RALYL: variants seen among roughly 807,000 people sequenced by gnomAD.
RALYL encodes RALY RNA binding protein like.
A neutral mutation model predicts 35.1 loss-of-function variants in RALYL; 29 were observed. The ratio of observed to expected loss-of-function variants is 0.83; its 90% CI spans 0.61 to 1.13. RALYL has a LOEUF of 1.13. RALYL is among the 50% of genes most tolerant of loss of function. RALYL has a pLI of 0.00. For synonymous variants in RALYL, 120 were observed against 127.6 expected, an observed-to-expected ratio of 0.94 and a Z score of 0.40; for missense variants, 359 against 360.4, an observed-to-expected ratio of 1.00 and a Z score of 0.03.
chr8:84,678,852 G>C (rs559800074), intron 2 of RALYL: 1 of 176,328 alleles, frequency 5.7e-6, no homozygotes, highest in Admixed American at 6.0e-5. Flanking sequence ...TGAGAAGGAT[G>C]ACAAACACTT....
At chr8:84,840,119 A>T (rs1282383082) in intron 4 of RALYL, among the ~76,000 whole-genome samples, 1 of 152,244 alleles carries the variant, frequency 6.6e-6, no homozygotes, top group Non-Finnish European at 1.5e-5. Context: ...CTGGACAGGG[A>T]ATGACTTTGA....
At chr8:84,233,841 T>C (rs891543660) in intron 1 of RALYL, among the ~76,000 whole-genome samples, 16 of 152,196 alleles carry the variant, frequency 1.1e-4, no homozygotes, top group Admixed American at 2.0e-4. Flanking sequence ...ACTTAAATTC[T>C]TGAGAATAGC....
chr8:84,469,126 A>G (rs2052265604), intron 1 of RALYL, among the ~76,000 whole-genome samples: 1 of 152,102 alleles, frequency 6.6e-6, no homozygotes, highest in Admixed American at 6.5e-5. Flanking sequence ...TGATCGTCTG[A>G]AGCCTTCTTC....
At position 84,810,046 on chromosome 8, in the gene RALYL, G is replaced by T. The variant is rs181410825; in HGVS notation, c.365+5244G>T. On this transcript the variant is annotated intron_variant, in intron 4 of 8. Coordinates refer to ENST00000521268, the MANE Select transcript of RALYL (RefSeq NM_173848.7). ...CTGGGTTTGGTTTTGGTTTGTTCTT[G>T]TTTCTCTAGTTCCTTGAGATGTGAC... Among the ~76,000 whole-genome samples the T allele has an allele frequency of 3.2e-3, 480 of 151,980 alleles. 6 individuals carry two copies. The highest frequency in any genetic ancestry group is 0.011 in the African/African-American group (463 of 41,460).
Position 84,488,232 on chromosome 8 carries a change from G to T in RALYL, c.-23-41067G>T, listed in dbSNP as rs561496161. ...ATAAGTTGTATGAGCAGCTTCACCAGTTCAGTGATACAAATACGGTTGAAT... is the reference window on the plus strand; with the variant it reads ...ATAAGTTGTATGAGCAGCTTCACCATTTCAGTGATACAAATACGGTTGAAT... On this transcript the variant is annotated intron_variant, in intron 1 of 8. Transcript: ENST00000521268. Among the ~76,000 whole-genome samples the T allele has an allele frequency of 3.9e-5, 6 of 152,164 alleles. No homozygotes were observed. In the South Asian group the frequency reaches 1.2e-3, roughly 32 times the overall value.
intron 7 of RALYL, among the ~76,000 whole-genome samples, chr8:84,876,577 A>T (rs1841190829): frequency 6.6e-6 from 1 of 152,112 alleles, no homozygotes; most frequent in South Asian, 2.1e-4. Context: ...AAGTAAAAAG[A>T]CTGGATAGCA....
At chr8:84,665,537 G>A (rs973185599) in intron 2 of RALYL, among the ~76,000 whole-genome samples, 1 of 152,036 alleles carries the variant, frequency 6.6e-6, no homozygotes. Context: ...AGTCTTGGGA[G>A]GGTGTATGTG....
chr8:84,914,315 T>C (rs565044488), intron 8 of RALYL, among the ~76,000 whole-genome samples: 30 of 152,082 alleles, frequency 2.0e-4, no homozygotes, highest in Admixed American at 1.2e-3. Context: ...ATTTCTAGCA[T>C]TGGGAGTAAA....
At chr8:84,654,307 A>T (rs1362045103) in intron 2 of RALYL, among the ~76,000 whole-genome samples, 2 of 136,166 alleles carry the variant, frequency 1.5e-5, no homozygotes, top group Non-Finnish European at 3.2e-5. Context: ...ATATATATAT[A>T]TATATATCAT....
intron 1 of RALYL, chr8:84,184,928 T>A: frequency 1.3e-6 from 2 of 1,596,822 alleles, no homozygotes; most frequent in East Asian, 4.5e-5. Context: ...GAGCCGGAGC[T>A]GGAGACATTT....
chr8:84,468,414 G>T lies in RALYL; in HGVS notation c.-23-60885G>T, dbSNP rs1370259889. 3.3e-5 allele frequency among the ~76,000 whole-genome samples: 5 copies of T among 151,014 alleles called. No individual in the cohort carries two copies. The East Asian group carries it at 5.9e-4, about 18-fold the overall frequency. On this transcript the variant is annotated intron_variant, in intron 1 of 8. Coordinates refer to ENST00000521268, the MANE Select transcript of RALYL (RefSeq NM_173848.7). ...TCCTTCACTTATGAAGCTTAGTTTG[G>T]CTGGATATGAAATTCTGGGTTCAAA...
chr8:84,445,484 C>G (rs1034662224), intron 1 of RALYL, among the ~76,000 whole-genome samples: 1 of 151,752 alleles, frequency 6.6e-6, no homozygotes, highest in Non-Finnish European at 1.5e-5. Context: ...TACTTTTAAA[C>G]TTTAGTATTA....
intron 2 of RALYL, among the ~76,000 whole-genome samples, chr8:84,713,585 A>G (rs1842521033): frequency 6.6e-6 from 1 of 152,020 alleles, no homozygotes; most frequent in Non-Finnish European, 1.5e-5. Context: ...AGTGACAACA[A>G]GTGTCAGTGA....
chr8:84,419,782 T>G (rs558202949), intron 1 of RALYL, among the ~76,000 whole-genome samples: 189 of 147,398 alleles, frequency 1.3e-3, no homozygotes, highest in Non-Finnish European at 2.1e-3. Context: ...CACCTATGAG[T>G]GAGAATATGC....
chr8:84,853,490 ACT>A (rs1385742816), intron 5 of RALYL, among the ~76,000 whole-genome samples: 29 of 152,144 alleles, frequency 1.9e-4, no homozygotes, highest in Admixed American at 1.9e-3. Flanking sequence ...CTTTCAGGTG[ACT>A]CTCTACTATA....
At chr8:84,808,185 CGA>C (rs1202614864) in intron 4 of RALYL, among the ~76,000 whole-genome samples, 19 of 152,054 alleles carry the variant, frequency 1.2e-4, no homozygotes, top group African/African-American at 4.6e-4. Flanking sequence ...ATGTATAAGA[CGA>C]GAGATGAGGA....
chr8:84,809,484 A>T (rs1020823393), intron 4 of RALYL, among the ~76,000 whole-genome samples: 4 of 152,088 alleles, frequency 2.6e-5, no homozygotes, highest in African/African-American at 9.7e-5. Context: ...TATTAGGGTG[A>T]TGCTGGCTGC....
At chr8:84,736,204 T>C (rs911128453) in intron 2 of RALYL, among the ~76,000 whole-genome samples, 1 of 152,116 alleles carries the variant, frequency 6.6e-6, no homozygotes, top group African/African-American at 2.4e-5. Context: ...TTAATGCTGT[T>C]TTCAAAGATG....
At chr8:84,243,702 A>G (rs1828496655) in intron 1 of RALYL, among the ~76,000 whole-genome samples, 1 of 152,012 alleles carries the variant, frequency 6.6e-6, no homozygotes, top group Non-Finnish European at 1.5e-5. Context: ...TTTAATTTGC[A>G]TTGTGCTTTG....
Sources: allele counts gnomAD v4.1 joint callset (sites outside exome capture counted in the v4.1 genomes callset), GRCh38; gene constraint gnomAD v4.1.1; transcripts MANE v1.5; gene names NCBI Gene and HGNC (gene_info 2026-07-23, HGNC 2026-07-21).